Variants in DISP1 observed in about 807,000 individuals in gnomAD.
DISP1 encodes protein dispatched homolog 1.
DISP1 carries 30 observed loss-of-function variants against 37.3 expected under a neutral mutation model. The ratio of observed to expected loss-of-function variants is 0.80; its 90% CI spans 0.60 to 1.09. The LOEUF (loss-of-function observed/expected upper bound fraction) is 1.09, where lower values mean the gene tolerates loss of function less well. Among genes scored for constraint, DISP1 ranks in the 50% least tolerant of loss-of-function variants. The probability of loss-of-function intolerance (pLI) is 0.00; values close to 1 mark genes in which losing one functional copy is unlikely to be tolerated. For synonymous variants in DISP1, 634 were observed against 690.2 expected (o/e 0.92, Z 1.28); for missense variants, 1,598 against 1,879.5 (o/e 0.85, Z 2.77).
chr1:222,941,669 C>T (rs570316278), intron 2 of DISP1, among the ~76,000 whole-genome samples: 5 of 152,148 alleles, frequency 3.3e-5, no homozygotes, highest in Non-Finnish European at 7.4e-5. Flanking sequence ...CATAGGAATC[C>T]TCATGGGGGA....
At chr1:222,920,329 A>C (rs1672742973) in intron 1 of DISP1, among the ~76,000 whole-genome samples, 1 of 152,202 alleles carries the variant, frequency 6.6e-6, no homozygotes, top group African/African-American at 2.4e-5. Context: ...ACATTTTGAA[A>C]TGCTGTATCA....
At chr1:222,827,535 C>T (rs891163094) in intron 1 of DISP1, 4 of 152,116 alleles carry the variant, frequency 2.6e-5, no homozygotes, top group Non-Finnish European at 2.9e-5. Context: ...AATCTTCATG[C>T]AACAAGATGT....
intron 1 of DISP1, among the ~76,000 whole-genome samples, chr1:222,892,053 G>T (rs1280570705): frequency 6.6e-6 from 1 of 152,142 alleles, no homozygotes; most frequent in Admixed American, 6.5e-5. Flanking sequence ...CGTAAGAGAA[G>T]TGTTCCCATT....
intron 1 of DISP1, among the ~76,000 whole-genome samples, chr1:222,866,438 A>G (rs973147355): frequency 1.3e-5 from 2 of 151,928 alleles, no homozygotes; most frequent in African/African-American, 4.8e-5. Flanking sequence ...TCTGCCTCCC[A>G]GGTTCAAGTA....
intron 1 of DISP1, among the ~76,000 whole-genome samples, chr1:222,828,552 G>A (rs755789735): frequency 2.6e-5 from 4 of 151,920 alleles, no homozygotes; most frequent in Non-Finnish European, 4.4e-5. Flanking sequence ...CATGTGTATC[G>A]ATTGTAAGCT....
chr1:222,899,490 C>T (rs561539643), intron 1 of DISP1, among the ~76,000 whole-genome samples: 1 of 152,182 alleles, frequency 6.6e-6, no homozygotes, highest in East Asian at 1.9e-4. Flanking sequence ...ATAAAATCTC[C>T]ATTTTAATTA....
chr1:222,956,208 C>T (rs1675581939), intron 3 of DISP1, among the ~76,000 whole-genome samples: 2 of 152,122 alleles, frequency 1.3e-5, no homozygotes, highest in South Asian at 4.1e-4. Context: ...CCAGTTTTCC[C>T]AAATTCCATG....
chr1:222,932,044 A>G (rs1673433512), intron 2 of DISP1, among the ~76,000 whole-genome samples: 3 of 151,988 alleles, frequency 2.0e-5, no homozygotes, highest in South Asian at 4.1e-4. Context: ...AAAAGTAAAG[A>G]TAGTTTAAAC....
Position 223,005,135 on chromosome 1 carries a change from C to A in DISP1, c.3738C>A (p.Asp1246Glu), listed in dbSNP as rs72744122. 2.5e-6 allele frequency: 4 copies of A among 1,614,046 alleles called. No homozygotes were observed. Among genetic ancestry groups the A allele is most frequent in the Non-Finnish European group, 2.5e-6 (3 of 1,180,030 alleles). ...NSELSKSTES[D>E]AGSALLQPPL... is the part of the protein sequence containing the mutation. ...AACTCAGCAAAAGCACTGAAAGTGA[C>A]GCTGGCTCTGCCTTGTTACAGCCCC... The change falls in exon 9 of 9, where the codon GAC (aspartate) becomes GAA (glutamate). Residue 1246 changes from aspartate (D) to glutamate (E), a missense_variant. Asp to Glu is a conservative substitution (Grantham distance 45). Transcript: ENST00000675850.
chr1:223,003,306 G>A lies in DISP1; in HGVS notation c.1909G>A (p.Ala637Thr). 6.2e-7 allele frequency: 1 copy of A among 1,614,214 alleles called. No individual in the cohort carries two copies. The highest frequency in any genetic ancestry group is 8.5e-7 in the Non-Finnish European group (1 of 1,180,056). Residue 637 changes from alanine to threonine, a missense_variant, in exon 9 of 9, where the codon GCG becomes ACG. Ala to Thr is a moderately conservative substitution (Grantham distance 58). Coordinates refer to ENST00000675850, the MANE Select transcript of DISP1 (RefSeq NM_001377229.1). This position sits in a 1 kb window ranked among gnomAD's most constrained non-coding sequence, Gnocchi z 4.3. ...ITAIRCFGVY[A>T]GTAILVNYVL... ...AGCAATCCGATGCTTTGGGGTTTAT[G>A]CGGGGACAGCTATATTGGTGAATTA...
At position 222,907,533 on chromosome 1, in the gene DISP1, G is replaced by A. The variant is rs1012885002; in HGVS notation, c.-158-20897G>A. On this transcript the variant is annotated intron_variant, in intron 1 of 8. Coordinates refer to ENST00000675850, the MANE Select transcript of DISP1 (RefSeq NM_001377229.1). Reference sequence around the variant, plus strand: ...CCTCCAGGGGATTCTGATATCCTTAGGCTAACATTTGAGAACCACTGGGCT... The same window carrying A: ...CCTCCAGGGGATTCTGATATCCTTAAGCTAACATTTGAGAACCACTGGGCT... 4.6e-5 allele frequency among the ~76,000 whole-genome samples: 7 copies of A among 152,274 alleles called. No homozygotes were observed. The East Asian group carries it at 1.4e-3, about 29-fold the overall frequency.
At chr1:222,903,310 A>C in intron 1 of DISP1, among the ~76,000 whole-genome samples, 1 of 45,296 alleles carries the variant, frequency 2.2e-5, no homozygotes, top group African/African-American at 8.3e-5. Context: ...GGGTGGGGGG[A>C]GGGGGGAGGG....
At chr1:222,875,749 C>G (rs905856751) in intron 1 of DISP1, among the ~76,000 whole-genome samples, 1 of 149,412 alleles carries the variant, frequency 6.7e-6, no homozygotes, top group African/African-American at 2.5e-5. Context: ...ATCACTTGAA[C>G]CCAGGAGGTG....
chr1:222,964,781 C>T (rs945176770), intron 3 of DISP1, among the ~76,000 whole-genome samples: 1 of 152,162 alleles, frequency 6.6e-6, no homozygotes, highest in African/African-American at 2.4e-5. Flanking sequence ...CTTTTGAAAA[C>T]GCTAGTAGTA....
intron 1 of DISP1, among the ~76,000 whole-genome samples, chr1:222,891,546 T>G (rs527403283): frequency 6.6e-6 from 1 of 151,820 alleles, no homozygotes; most frequent in South Asian, 2.1e-4. Flanking sequence ...CATCCATATT[T>G]AAAGAGGGGG....
At chr1:222,875,886 T>C (rs1214043890) in intron 1 of DISP1, among the ~76,000 whole-genome samples, 1 of 151,304 alleles carries the variant, frequency 6.6e-6, no homozygotes, top group South Asian at 2.1e-4. Flanking sequence ...AAACACTTAT[T>C]AGATGCCTGT....
At chr1:222,897,249 T>G (rs1360404335) in intron 1 of DISP1, among the ~76,000 whole-genome samples, 1 of 152,210 alleles carries the variant, frequency 6.6e-6, no homozygotes, top group Non-Finnish European at 1.5e-5. Flanking sequence ...TAGTTCCATT[T>G]AGGAAGTTCT....
Position 223,004,030 on chromosome 1 carries a change from G to T in DISP1, c.2633G>T (p.Ser878Ile). 6.2e-7 allele frequency: 1 copy of T among 1,614,148 alleles called. No homozygotes were observed. Residue 878 changes from serine to isoleucine, a missense_variant, in exon 9 of 9, where the codon AGC (serine) becomes ATC (isoleucine). Transcript: ENST00000675850. The surrounding 1 kb of genome is among the most constrained non-coding windows in gnomAD (Gnocchi z 4.9). ...CTGTACCCATGCTGCAGCCACTGGAGCTTCCCCTACAAGCAAGAGATTTTT... is the reference window on the plus strand; with the variant it reads ...CTGTACCCATGCTGCAGCCACTGGATCTTCCCCTACAAGCAAGAGATTTTT... ...PALYPCCSHW[S>I]FPYKQEIFEL...
At chr1:222,912,193 A>G (rs575067644) in intron 1 of DISP1, among the ~76,000 whole-genome samples, 1 of 152,182 alleles carries the variant, frequency 6.6e-6, no homozygotes, top group Admixed American at 6.5e-5. Context: ...AGAAAAAAAA[A>G]TAAGTTGGAA....
Sources: allele counts gnomAD v4.1 joint callset (sites outside exome capture counted in the v4.1 genomes callset), GRCh38; gene constraint gnomAD v4.1.1; non-coding constraint Gnocchi (gnomAD v3.1); transcripts MANE v1.5; gene names NCBI Gene and HGNC (gene_info 2026-07-23, HGNC 2026-07-21).